The following SCAMP1 variants were observed in gnomAD, a reference collection of about 807,000 sequenced individuals.
The protein encoded by SCAMP1 is secretory carrier-associated membrane protein 1.
A neutral mutation model predicts 41.8 loss-of-function variants in SCAMP1; 15 were observed. The ratio of observed to expected loss-of-function variants is 0.36; its 90% confidence interval spans 0.24 to 0.55. The LOEUF (loss-of-function observed/expected upper bound fraction) is 0.55. Ranked by LOEUF, SCAMP1 falls within the 20% of genes least tolerant of loss-of-function variation. SCAMP1 has a pLI of 0.86. For synonymous variants in SCAMP1, 135 were observed against 136.8 expected (o/e 0.99, Z 0.09); for missense variants, 341 against 412.6 (o/e 0.83, Z 1.50).
intron 1 of SCAMP1, among the ~76,000 whole-genome samples, chr5:78,365,968 GTGGGTAATTTA>G (rs1750784812): frequency 6.6e-6 from 1 of 152,116 alleles, no homozygotes; most frequent in Non-Finnish European, 1.5e-5. Context: ...GTACCTCACA[GTGGGTAATTTA>G]TAAACAACAG....
intron 8 of SCAMP1, among the ~76,000 whole-genome samples, chr5:78,461,348 T>G (rs992511132): frequency 6.6e-6 from 1 of 152,188 alleles, no homozygotes; most frequent in African/African-American, 2.4e-5. Flanking sequence ...GAGTTAATTT[T>G]TGTATGTGGT....
chr5:78,380,584 T>C (rs1751179407), intron 1 of SCAMP1, among the ~76,000 whole-genome samples: 1 of 152,244 alleles, frequency 6.6e-6, no homozygotes, highest in Non-Finnish European at 1.5e-5. Flanking sequence ...GAACTATCTT[T>C]ATGCTTATTT....
At chr5:78,429,389 G>A (rs1444829084) in intron 6 of SCAMP1, among the ~76,000 whole-genome samples, 1 of 146,412 alleles carries the variant, frequency 6.8e-6, no homozygotes, top group Non-Finnish European at 1.5e-5. Context: ...TAATGGTGTT[G>A]GATTTTTCCA....
At chr5:78,454,248 C>A (rs1179114691) in intron 7 of SCAMP1, among the ~76,000 whole-genome samples, 7 of 152,178 alleles carry the variant, frequency 4.6e-5, no homozygotes, top group Non-Finnish European at 1.0e-4. Context: ...AGAGGGCATC[C>A]CTGTCTTGTG....
chr5:78,438,404 G>A (rs1185778803), intron 6 of SCAMP1, among the ~76,000 whole-genome samples: 1 of 152,130 alleles, frequency 6.6e-6, no homozygotes, highest in Admixed American at 6.5e-5. Flanking sequence ...AGGGATTCTG[G>A]TACGTTGTGT....
chr5:78,376,342 A>G (rs73128349), intron 1 of SCAMP1, among the ~76,000 whole-genome samples: 4,343 of 152,346 alleles, frequency 0.029, 224 homozygotes, highest in African/African-American at 0.097. Context: ...TCTCAATTGG[A>G]CTACATTTTA....
intron 6 of SCAMP1, among the ~76,000 whole-genome samples, chr5:78,449,618 A>G (rs1424927727): frequency 6.6e-6 from 1 of 152,224 alleles, no homozygotes; most frequent in East Asian, 1.9e-4. Flanking sequence ...TTGTAATTCT[A>G]TGATGCTGTT....
chr5:78,438,004 A>G (rs936216267), intron 6 of SCAMP1, among the ~76,000 whole-genome samples: 7 of 152,118 alleles, frequency 4.6e-5, no homozygotes, highest in South Asian at 4.1e-4. Context: ...ATTTGTGTAG[A>G]GGTGTTCATA....
At chr5:78,378,336 T>C (rs577737125) in intron 1 of SCAMP1, among the ~76,000 whole-genome samples, 65 of 152,202 alleles carry the variant, frequency 4.3e-4, no homozygotes, top group Non-Finnish European at 8.2e-4. Flanking sequence ...GCTTGATTAG[T>C]TATATAAGTT....
At chr5:78,459,442 G>A (rs569030328) in intron 8 of SCAMP1, 80 bp downstream of exon 8, 2 of 714,370 alleles carry the variant, frequency 2.8e-6, no homozygotes, top group Admixed American at 2.8e-5. Flanking sequence ...ATAATTTGGT[G>A]TAACCTGAAG....
intron 2 of SCAMP1, among the ~76,000 whole-genome samples, chr5:78,395,225 GT>G (rs771390531): frequency 6.6e-6 from 1 of 152,118 alleles, no homozygotes; most frequent in Non-Finnish European, 1.5e-5. Flanking sequence ...AAAGTACAGA[GT>G]ACCAGTTTAT....
intron 7 of SCAMP1, among the ~76,000 whole-genome samples, chr5:78,454,758 G>A (rs1753340795): frequency 6.6e-6 from 1 of 152,196 alleles, no homozygotes; most frequent in Non-Finnish European, 1.5e-5. Flanking sequence ...AGAAGGAATG[G>A]TACCAGTTCC....
At chr5:78,361,660 T>C (rs1245564489) in intron 1 of SCAMP1, among the ~76,000 whole-genome samples, 1 of 152,266 alleles carries the variant, frequency 6.6e-6, no homozygotes, top group African/African-American at 2.4e-5. Context: ...TATTCTGAAT[T>C]TCCTAATGAG....
At chr5:78,424,139 G>A (rs962370738) in intron 6 of SCAMP1, among the ~76,000 whole-genome samples, 1 of 152,084 alleles carries the variant, frequency 6.6e-6, no homozygotes. Context: ...GCCTCCCAAA[G>A]TGCTGGGATT....
At chr5:78,402,485 G>A (rs1252149823) in intron 2 of SCAMP1, among the ~76,000 whole-genome samples, 1 of 152,090 alleles carries the variant, frequency 6.6e-6, no homozygotes, top group Non-Finnish European at 1.5e-5. Context: ...TTTGCCTCTT[G>A]TAGTTTGATG....
At chr5:78,423,016 G>GCACA (rs57059961) in intron 6 of SCAMP1, among the ~76,000 whole-genome samples, 962 of 33,376 alleles carry the variant, frequency 0.029, 8 homozygotes, top group African/African-American at 0.034. Flanking sequence ...ACGCGCGCGC[G>GCACA]CACACACACA....
rs1333190539 is a variant in SCAMP1, at chr5:78,478,928, T to A, written c.*3260T>A. On this transcript the variant is annotated 3_prime_UTR_variant, in exon 9 of 9. Transcript: ENST00000621999. The stretch of plus-strand genomic sequence containing the variant: ...TTTATTCTGTAATTCATGTTAAGAT[T>A]ATGTATGGTTTGCATTTTAAGGGGA... 2 of 152,214 alleles carry A rather than the reference T, an allele frequency of 1.3e-5. No individual in the cohort carries two copies. The highest frequency in any genetic ancestry group is 2.9e-5 in the Non-Finnish European group (2 of 68,002). 9.4% of individuals were successfully genotyped at this position (152,214 alleles called of 1,614,324 possible). A position where few individuals can be genotyped will look rare whatever the true frequency, so the allele number is the denominator to read the frequency against.
chr5:78,479,970 T>C lies in SCAMP1; in HGVS notation c.*4302T>C, dbSNP rs926662564. On this transcript the variant is annotated 3_prime_UTR_variant, in exon 9 of 9. Transcript: ENST00000621999. ...CTGAGGCAGGAGAATGACGTGAACC[T>C]GGGAGGCGGAGCTTGCAGTGAGCCG... Among the ~76,000 whole-genome samples, 16 of 151,532 alleles carry C rather than the reference T, an allele frequency of 1.1e-4. No individual in the cohort carries two copies. Among genetic ancestry groups the C allele is most frequent in the Admixed American group, 2.0e-4 (3 of 15,220 alleles).
At chr5:78,379,401 G>A (rs1205872738) in intron 1 of SCAMP1, among the ~76,000 whole-genome samples, 1 of 152,184 alleles carries the variant, frequency 6.6e-6, no homozygotes, top group Non-Finnish European at 1.5e-5. Flanking sequence ...AAGCTAATTT[G>A]AAACATTAAT....
Sources: allele counts gnomAD v4.1 joint callset (sites outside exome capture counted in the v4.1 genomes callset), GRCh38; gene constraint gnomAD v4.1.1; transcripts MANE v1.5; gene names NCBI Gene and HGNC (gene_info 2026-07-23, HGNC 2026-07-21).